CIROZ: variants seen among roughly 807,000 people sequenced by gnomAD.
CIROZ encodes the protein ciliated left-right organizer ZP-N domains-containing protein.
At chr1:10,958,766 G>C in the CIROZ span, 2 of 1,613,656 alleles carry the variant, frequency 1.2e-6, no homozygotes, top group Non-Finnish European at 1.7e-6. Context: ...CAGAGACAAA[G>C]AGGAAGCAAT....
At chr1:10,961,454 G>A in the CIROZ span, among the ~76,000 whole-genome samples, 6 of 152,276 alleles carry the variant, frequency 3.9e-5, no homozygotes, top group South Asian at 4.1e-4. Flanking sequence ...GCAGTGAGCC[G>A]GGCTCAGAGC....
the CIROZ span, among the ~76,000 whole-genome samples, chr1:10,952,009 C>A: frequency 6.6e-6 from 1 of 151,984 alleles, no homozygotes; most frequent in South Asian, 2.1e-4. Context: ...CTGTGTAAAA[C>A]TTTTTTCTTT....
the CIROZ span, among the ~76,000 whole-genome samples, chr1:10,974,805 A>G: frequency 1.4e-4 from 22 of 152,266 alleles, no homozygotes; most frequent in Admixed American, 1.3e-3. The surrounding 1 kb of genome is among the most constrained non-coding windows in gnomAD (Gnocchi z 4.4). Flanking sequence ...CATGGCATTT[A>G]ACCATAAGTA....
At chr1:10,965,788 A>C in the CIROZ span, among the ~76,000 whole-genome samples, 1 of 150,132 alleles carries the variant, frequency 6.7e-6, no homozygotes, top group Admixed American at 6.8e-5. Context: ...GCGTCACTGC[A>C]CTCCAGCCTG....
At chr1:10,950,941 G>A in the CIROZ span, among the ~76,000 whole-genome samples, 1 of 152,172 alleles carries the variant, frequency 6.6e-6, no homozygotes, top group African/African-American at 2.4e-5. Context: ...CCAGCTAAGC[G>A]AGGCTGCTCC....
At chr1:10,948,106 G>C in the CIROZ span, 1 of 1,613,464 alleles carries the variant, frequency 6.2e-7, no homozygotes, top group Non-Finnish European at 8.5e-7. Context: ...CAGGCACTGG[G>C]GTCTGGCTGC....
At chr1:10,949,787 G>A in the CIROZ span, 1,747 of 1,572,200 alleles carry the variant, frequency 1.1e-3, 13 homozygotes, top group African/African-American at 0.021. Context: ...CAGTGCAGCA[G>A]TTGAGGCAGG....
chr1:10,954,235 C>G, the CIROZ span: 33 of 1,395,066 alleles, frequency 2.4e-5, no homozygotes, highest in South Asian at 4.1e-4. Flanking sequence ...GCAGGCGGAT[C>G]ATGAGGTCAG....
chr1:10,952,201 G>A, the CIROZ span, among the ~76,000 whole-genome samples: 7 of 152,250 alleles, frequency 4.6e-5, no homozygotes, highest in South Asian at 4.1e-4. Flanking sequence ...GAAAGACCTC[G>A]AAGCTGCAGG....
the CIROZ span, among the ~76,000 whole-genome samples, chr1:10,967,846 C>T: frequency 3.9e-5 from 6 of 152,146 alleles, no homozygotes; most frequent in Non-Finnish European, 4.4e-5. Flanking sequence ...TGGTGGCAGG[C>T]ACCTGTAGTC....
chr1:10,953,690 G>A, the CIROZ span, among the ~76,000 whole-genome samples: 3 of 152,150 alleles, frequency 2.0e-5, no homozygotes, highest in African/African-American at 7.2e-5. Context: ...TTTCCAGATG[G>A]GAAAACTGAG....
the CIROZ span, chr1:10,948,706 T>A: frequency 2.5e-6 from 4 of 1,583,036 alleles, no homozygotes. Flanking sequence ...GCTGGAGGTG[T>A]GGGGTGTCCA....
the CIROZ span, chr1:10,948,134 G>A: frequency 6.2e-7 from 1 of 1,613,592 alleles, no homozygotes; most frequent in Non-Finnish European, 8.5e-7. Flanking sequence ...TTGGGGTGGA[G>A]AATGTGGCAT....
chr1:10,954,224 G>A, the CIROZ span: 6 of 1,452,098 alleles, frequency 4.1e-6, no homozygotes, highest in East Asian at 1.4e-4. Context: ...GGGAGGCTGA[G>A]GCAGGCGGAT....
chr1:10,962,453 A>G, the CIROZ span, among the ~76,000 whole-genome samples: 1 of 152,174 alleles, frequency 6.6e-6, no homozygotes, highest in African/African-American at 2.4e-5. Context: ...TCTCAAAAAA[A>G]TAAATAAATA....
the CIROZ span, chr1:10,949,550 G>C: frequency 2.0e-6 from 3 of 1,514,458 alleles, no homozygotes; most frequent in East Asian, 4.9e-5. Flanking sequence ...AGGCCCAGCT[G>C]GGTCTACCGA....
At chr1:10,965,617 C>G in the CIROZ span, among the ~76,000 whole-genome samples, 1 of 151,898 alleles carries the variant, frequency 6.6e-6, no homozygotes, top group African/African-American at 2.4e-5. Context: ...CCCAGCTACT[C>G]TGGGGGCCGA....
At chr1:10,956,727 G>T in the CIROZ span, among the ~76,000 whole-genome samples, 171 of 151,850 alleles carry the variant, frequency 1.1e-3, no homozygotes, top group South Asian at 0.011. Flanking sequence ...TCCACCCGCC[G>T]CGGCCTCCCA....
At chr1:10,980,657 G>C in the CIROZ span, among the ~76,000 whole-genome samples, 9,345 of 152,264 alleles carry the variant, frequency 0.061, 733 homozygotes, top group African/African-American at 0.18. Context: ...AGGGAATGCT[G>C]TCTGGAATCG....
Sources: gnomAD v4.1 joint callset for allele counts (sites outside exome capture counted in the v4.1 genomes callset) on GRCh38, gnomAD v4.1.1 for gene constraint, Gnocchi (gnomAD v3.1) non-coding constraint, MANE v1.5 for transcripts, NCBI Gene and HGNC (gene_info 2026-07-23, HGNC 2026-07-21) for gene names.